DUSP16: variants seen among roughly 807,000 people sequenced by gnomAD.
DUSP16 encodes the protein dual specificity phosphatase 16.
In DUSP16, 21 loss-of-function variants were observed where a neutral mutation model predicts 58.3. That is an observed-to-expected ratio of 0.36 (90% CI 0.26 to 0.52). The LOEUF (loss-of-function observed/expected upper bound fraction) is 0.52. Ranked by LOEUF, DUSP16 falls within the 20% of genes least tolerant of loss-of-function variation. DUSP16 has a pLI of 0.94. For missense variants in DUSP16, 726 were observed against 819.0 expected, an observed-to-expected ratio of 0.89 and a Z score of 1.39; for synonymous variants, 320 against 323.8, an observed-to-expected ratio of 0.99 and a Z score of 0.12.
chr12:12,507,572 A>G (rs1944014853), intron 3 of DUSP16, among the ~76,000 whole-genome samples: 1 of 152,198 alleles, frequency 6.6e-6, no homozygotes, highest in African/African-American at 2.4e-5. Context: ...TATAGTTCAT[A>G]TGGTTTCACA....
intron 3 of DUSP16, among the ~76,000 whole-genome samples, chr12:12,514,506 A>G (rs1388528414): frequency 6.6e-6 from 1 of 152,178 alleles, no homozygotes; most frequent in East Asian, 1.9e-4. Flanking sequence ...CACGAAAGAT[A>G]TTACCAACCC....
rs1943488365 is a variant in DUSP16 at position 12,477,921 on chromosome 12, C to T, written c.910G>A (p.Ala304Thr). Reference sequence around the variant, plus strand: ...TTGAGTTTGCTCTTTGGCCCTGATGCTCCAGTCTGGTTCTTAATCTTCTTC... The same window carrying T: ...TTGAGTTTGCTCTTTGGCCCTGATGTTCCAGTCTGGTTCTTAATCTTCTTC... ...YEKKIKNQTG[A>T]SGPKSKLKLL... The change falls in exon 7 of 7, where the codon GCA (alanine) becomes ACA (threonine). Residue 304 changes from alanine to threonine, a missense_variant. By Grantham distance (58) the Ala-to-Thr change is moderately conservative. Coordinates refer to ENST00000298573, the MANE Select transcript of DUSP16 (RefSeq NM_030640.3). The surrounding 1 kb of genome is among the most constrained non-coding windows in gnomAD (Gnocchi z 4.1). 1 of 1,614,180 alleles carries T rather than the reference C, an allele frequency of 6.2e-7. No individual in the cohort carries two copies. Among genetic ancestry groups the T allele is most frequent in the Admixed American group, 1.7e-5 (1 of 60,030 alleles).
intron 3 of DUSP16, among the ~76,000 whole-genome samples, chr12:12,505,155 T>G (rs1211318616): frequency 6.6e-6 from 1 of 152,186 alleles, no homozygotes; most frequent in African/African-American, 2.4e-5. Flanking sequence ...TCACATAATA[T>G]AGGCTCAGAA....
At chr12:12,530,029 G>A (rs1944362474) in intron 1 of DUSP16, among the ~76,000 whole-genome samples, 1 of 152,170 alleles carries the variant, frequency 6.6e-6, no homozygotes, top group African/African-American at 2.4e-5. Flanking sequence ...TCTTTACTCA[G>A]TAATGGGATT....
intron 1 of DUSP16, among the ~76,000 whole-genome samples, chr12:12,553,789 C>A (rs1944768976): frequency 6.6e-6 from 1 of 152,210 alleles, no homozygotes. Context: ...GATCCGCCCA[C>A]CTCCCCAAGT....
intron 5 of DUSP16, among the ~76,000 whole-genome samples, chr12:12,484,474 C>T (rs977896601): frequency 3.9e-5 from 6 of 152,086 alleles, no homozygotes; most frequent in South Asian, 4.1e-4. Flanking sequence ...TTCTACTAAA[C>T]TTTGTCTCCT....
rs149003104 is a variant in DUSP16 at position 12,556,430 on chromosome 12, G to A, written c.-366+5687C>T. ...AAAAATAAATAATAATAATTAGCCG[G>A]GTGTGGTGGCATGCACCACCTGTGG... On this transcript the variant is annotated intron_variant, in intron 1 of 6. Coordinates refer to ENST00000298573, the MANE Select transcript of DUSP16 (RefSeq NM_030640.3). Among the ~76,000 whole-genome samples, 1,273 of 151,886 alleles carry A rather than the reference G, an allele frequency of 8.4e-3. 11 individuals are homozygous for A. Among genetic ancestry groups the A allele is most frequent in the South Asian group, 0.014 (68 of 4,800 alleles).
At chr12:12,522,612 G>A (rs1451243598) in intron 1 of DUSP16, among the ~76,000 whole-genome samples, 1 of 150,974 alleles carries the variant, frequency 6.6e-6, no homozygotes, top group Non-Finnish European at 1.5e-5. Context: ...CACCCAGGCT[G>A]CAGTGCAGTA....
At chr12:12,524,795 T>C (rs1249417800) in intron 1 of DUSP16, among the ~76,000 whole-genome samples, 1 of 150,560 alleles carries the variant, frequency 6.6e-6, no homozygotes, top group Non-Finnish European at 1.5e-5. Context: ...ATAGGTAATA[T>C]ATTCATATGG....
At position 12,500,523 on chromosome 12, in the gene DUSP16, T is replaced by C. The variant is rs1289800084; in HGVS notation, c.527A>G (p.Asn176Ser). Residue 176 changes from asparagine (N) to serine (S), a missense_variant, in exon 4 of 7, where the codon AAC becomes AGC. By Grantham distance (46) the Asn-to-Ser change is conservative. Coordinates refer to ENST00000298573, the MANE Select transcript of DUSP16 (RefSeq NM_030640.3). ...GGATATTTTCAAAGCACCCACCTTG[T>C]TGAGGACATCTCGCTGGCAGCCAAG... The part of the protein sequence containing the change: ...LYLGCQRDVL[N>S]KELMQQNGIG... 3 of 1,606,484 alleles carry C rather than the reference T, an allele frequency of 1.9e-6. No homozygotes were observed. Among genetic ancestry groups the C allele is most frequent in the African/African-American group, 2.7e-5 (2 of 74,482 alleles).
At chr12:12,487,948 T>G (rs1314694431) in intron 4 of DUSP16, among the ~76,000 whole-genome samples, 1 of 152,098 alleles carries the variant, frequency 6.6e-6, no homozygotes, top group Admixed American at 6.5e-5. Context: ...CCTCTTCCAT[T>G]GATCCTCTCT....
intron 3 of DUSP16, among the ~76,000 whole-genome samples, chr12:12,508,644 G>A (rs1378494841): frequency 5.3e-5 from 8 of 150,712 alleles, no homozygotes; most frequent in South Asian, 2.1e-4. Context: ...GGATAGATAC[G>A]CATTTCTCTT....
intron 1 of DUSP16, among the ~76,000 whole-genome samples, chr12:12,525,464 C>G (rs554880585): frequency 7.1e-6 from 1 of 140,468 alleles, no homozygotes; most frequent in African/African-American, 2.7e-5. Context: ...GATGGGGTTT[C>G]TCCATGTCAG....
intron 1 of DUSP16, among the ~76,000 whole-genome samples, chr12:12,558,251 C>T (rs1282612519): frequency 6.6e-6 from 1 of 152,228 alleles, no homozygotes. Flanking sequence ...GTATCCCTCC[C>T]TTTCAAATAA....
chr12:12,521,111 T>A lies in DUSP16; in HGVS notation c.-13A>T, dbSNP rs543790502. On this transcript the variant is annotated 5_prime_UTR_variant, in exon 2 of 7. Coordinates refer to ENST00000298573, the MANE Select transcript of DUSP16 (RefSeq NM_030640.3). Reference sequence around the variant, plus strand: ...TCTCATGGGCCATGACAACAATAAGTCCTCTTTTCCCACCTCCTTCTTTAA... The same window carrying A: ...TCTCATGGGCCATGACAACAATAAGACCTCTTTTCCCACCTCCTTCTTTAA... 104 of 1,612,802 alleles carry A rather than the reference T, an allele frequency of 6.4e-5. No homozygotes were observed. The highest frequency in any genetic ancestry group is 8.5e-5 in the Non-Finnish European group (100 of 1,179,300).
At position 12,475,411 on chromosome 12, in the gene DUSP16, A is replaced by AGG. The variant is rs1943410381; in HGVS notation, c.*1420_*1421dup. On this transcript the variant is annotated 3_prime_UTR_variant, in exon 7 of 7. Coordinates refer to ENST00000298573, the MANE Select transcript of DUSP16 (RefSeq NM_030640.3). The stretch of plus-strand genomic sequence containing the variant: ...TACAGTGATTGTAGGTTGAGGACTG[A>AGG]GGACGCCCCTTTGCTCTCGCTCCAT... 6.6e-6 allele frequency: 1 copy of AGG among 152,228 alleles called. No homozygotes were observed. Among genetic ancestry groups the AGG allele is most frequent in the African/African-American group, 2.4e-5 (1 of 41,458 alleles). The allele number at this position is 152,228 out of a possible 1,614,324, so 9.4% of individuals were successfully genotyped here.
At chr12:12,486,167 G>A (rs1943678674) in intron 5 of DUSP16, among the ~76,000 whole-genome samples, 1 of 152,000 alleles carries the variant, frequency 6.6e-6, no homozygotes, top group South Asian at 2.1e-4. Context: ...AGTAATTATG[G>A]ATTAGGGTGC....
In DUSP16 at chr12:12,477,628, A is replaced by G. The variant is rs143980194; in HGVS notation, c.1203T>C (p.Ser401=). Residue 401 remains serine, a synonymous_variant, in exon 7 of 7, where the codon TCT becomes TCC. Coordinates refer to ENST00000298573, the MANE Select transcript of DUSP16 (RefSeq NM_030640.3). The surrounding 1 kb of genome is among the most constrained non-coding windows in gnomAD (Gnocchi z 4.1). ...EDSNKLKRSF[S]LDIKSVSYSA... ...AATATGAAACTGATTTGATATCCAG[A>G]GAGAAGGAACGCTTGAGCTTATTGC... is the stretch of plus-strand genomic sequence containing the variant. 1.9e-6 allele frequency: 3 copies of G among 1,614,240 alleles called. No individual in the cohort carries two copies. The South Asian group carries it at 3.3e-5, about 18-fold the overall frequency.
chr12:12,499,260 G>A (rs551824535), intron 4 of DUSP16, among the ~76,000 whole-genome samples: 2 of 152,126 alleles, frequency 1.3e-5, no homozygotes, highest in Non-Finnish European at 2.9e-5. Flanking sequence ...TTTGCCCTAG[G>A]AATGCATGGG....
Sources: allele counts gnomAD v4.1 joint callset (sites outside exome capture counted in the v4.1 genomes callset), GRCh38; gene constraint gnomAD v4.1.1; non-coding constraint Gnocchi (gnomAD v3.1); transcripts MANE v1.5; gene names NCBI Gene and HGNC (gene_info 2026-07-23, HGNC 2026-07-21).